Variants in OXR1 observed in about 807,000 individuals in gnomAD.
The protein encoded by OXR1 is oxidation resistance 1, also known as oxidation resistance protein 1.
OXR1 carries 41 observed loss-of-function variants against 104.6 expected under a neutral mutation model. The observed-to-expected ratio is 0.39, with a 90% CI of 0.31 to 0.51. The LOEUF is 0.51. Among genes scored for constraint, OXR1 ranks in the 20% least tolerant of loss-of-function variants. The probability of loss-of-function intolerance (pLI) is 0.77; values close to 1 mark genes in which losing one functional copy is unlikely to be tolerated. For missense variants in OXR1, 955 were observed against 1,031.9 expected (o/e 0.93, Z 1.02); for synonymous variants, 348 against 348.4 (o/e 1.00, Z 0.01).
chr8:106,548,875 C>A (rs895024232), intron 3 of OXR1, among the ~76,000 whole-genome samples: 1 of 152,172 alleles, frequency 6.6e-6, no homozygotes, highest in African/African-American at 2.4e-5. Context: ...TAAAATGTGC[C>A]ATTTCTGGCA....
intron 1 of OXR1, among the ~76,000 whole-genome samples, chr8:106,350,145 G>A (rs756684602): frequency 1.3e-5 from 2 of 152,188 alleles, no homozygotes; most frequent in Non-Finnish European, 2.9e-5. Flanking sequence ...CATGAAAGAC[G>A]GAGGCACCAA....
At chr8:106,286,158 G>A (rs1394690592) in intron 1 of OXR1, among the ~76,000 whole-genome samples, 1 of 152,090 alleles carries the variant, frequency 6.6e-6, no homozygotes, top group Admixed American at 6.6e-5. Flanking sequence ...AGCTTACAAA[G>A]CTATTAGGAT....
intron 2 of OXR1, among the ~76,000 whole-genome samples, chr8:106,407,714 T>C (rs1818294277): frequency 6.6e-6 from 1 of 152,222 alleles, no homozygotes; most frequent in South Asian, 2.1e-4. Flanking sequence ...CCACAGCAAC[T>C]GTACGTGTAC....
chr8:106,295,538 G>A (rs1812958637), intron 1 of OXR1, among the ~76,000 whole-genome samples: 1 of 151,984 alleles, frequency 6.6e-6, no homozygotes, highest in African/African-American at 2.4e-5. Context: ...AAGATTTGAG[G>A]TGCTGGGATC....
chr8:106,624,648 A>C (rs1280776231), intron 3 of OXR1, among the ~76,000 whole-genome samples: 1 of 152,184 alleles, frequency 6.6e-6, no homozygotes, highest in Non-Finnish European at 1.5e-5. Flanking sequence ...GCTGTTTTTC[A>C]GGTGTGTCCC....
At chr8:106,477,534 C>G (rs1367271585) in intron 2 of OXR1, among the ~76,000 whole-genome samples, 1 of 151,822 alleles carries the variant, frequency 6.6e-6, no homozygotes. Context: ...TAAATTTCAA[C>G]TTTTATAATA....
chr8:106,608,327 G>T (rs781753502), intron 3 of OXR1, among the ~76,000 whole-genome samples: 1 of 151,386 alleles, frequency 6.6e-6, no homozygotes, highest in Non-Finnish European at 1.5e-5. Flanking sequence ...AAACAAAAAC[G>T]ATGAAAAAAA....
At chr8:106,674,028 C>A (rs1827317352) in intron 3 of OXR1, among the ~76,000 whole-genome samples, 1 of 152,200 alleles carries the variant, frequency 6.6e-6, no homozygotes, top group African/African-American at 2.4e-5. Context: ...AGAGCCCCCA[C>A]CTAGAGTCTC....
intron 7 of OXR1, chr8:106,697,832 CCG>C: frequency 6.2e-7 from 1 of 1,612,454 alleles, no homozygotes; most frequent in Non-Finnish European, 8.5e-7. Context: ...TCACATAACA[CCG>C]TGCCATCCTT....
chr8:106,667,720 C>G (rs1176517730), intron 3 of OXR1, among the ~76,000 whole-genome samples: 1 of 151,960 alleles, frequency 6.6e-6, no homozygotes, highest in African/African-American at 2.4e-5. Context: ...CTGATATATA[C>G]TATATATAAA....
intron 2 of OXR1, among the ~76,000 whole-genome samples, chr8:106,452,603 A>G (rs33952031): frequency 0.12 from 17,900 of 152,188 alleles, 1,514 homozygotes; most frequent in East Asian, 0.42. Flanking sequence ...GCTCTATTTG[A>G]TATTGGACTT....
intron 2 of OXR1, among the ~76,000 whole-genome samples, chr8:106,450,119 T>A (rs1820233541): frequency 1.3e-5 from 2 of 152,186 alleles, no homozygotes; most frequent in South Asian, 4.1e-4. Flanking sequence ...GATGTTCAGA[T>A]AAGAGAATGA....
At chr8:106,521,451 A>T (rs1344608922) in intron 3 of OXR1, among the ~76,000 whole-genome samples, 1 of 152,082 alleles carries the variant, frequency 6.6e-6, no homozygotes, top group East Asian at 1.9e-4. Flanking sequence ...TTCTCTTGTG[A>T]CCCGTCAGAA....
intron 2 of OXR1, among the ~76,000 whole-genome samples, chr8:106,468,998 T>C (rs1821338317): frequency 1.5e-5 from 2 of 136,220 alleles, no homozygotes; most frequent in East Asian, 2.6e-4. Context: ...GTTGTGGTCA[T>C]TGTTTGTTTG....
At chr8:106,645,304 A>G (rs1226605183) in intron 3 of OXR1, among the ~76,000 whole-genome samples, 1 of 152,186 alleles carries the variant, frequency 6.6e-6, no homozygotes, top group Non-Finnish European at 1.5e-5. Context: ...GTCCTTGTTC[A>G]ATGCATTTGA....
chr8:106,451,936 G>A (rs1231119157), intron 2 of OXR1, among the ~76,000 whole-genome samples: 5 of 152,168 alleles, frequency 3.3e-5, no homozygotes, highest in East Asian at 3.8e-4. Context: ...CGCTGCTACT[G>A]CTCAAACAGT....
chr8:106,316,397 C>A (rs1470616868), intron 1 of OXR1, among the ~76,000 whole-genome samples: 1 of 152,156 alleles, frequency 6.6e-6, no homozygotes, highest in African/African-American at 2.4e-5. Context: ...TGAAAAGAAT[C>A]TACACTGAGG....
chr8:106,627,502 A>G (rs2130874739), intron 3 of OXR1, among the ~76,000 whole-genome samples: 1 of 152,270 alleles, frequency 6.6e-6, no homozygotes, highest in Non-Finnish European at 1.5e-5. Flanking sequence ...TGTGTTTTAC[A>G]TCAATTCTAT....
At chr8:106,688,422 G>GA (rs911279735) in intron 6 of OXR1, among the ~76,000 whole-genome samples, 50 of 147,684 alleles carry the variant, frequency 3.4e-4, no homozygotes, top group East Asian at 9.9e-4. Context: ...ATATAATTTT[G>GA]AAAAAAAAAT....
Sources: allele counts gnomAD v4.1 joint callset (sites outside exome capture counted in the v4.1 genomes callset), GRCh38; gene constraint gnomAD v4.1.1; transcripts MANE v1.5; gene names NCBI Gene and HGNC (gene_info 2026-07-23, HGNC 2026-07-21).